PRH1: variants seen among roughly 807,000 people sequenced by gnomAD.
The protein encoded by PRH1 is proline rich protein HaeIII subfamily 1, also known as salivary acidic proline-rich phosphoprotein 1/2.
In PRH1, 7 loss-of-function variants were observed where a neutral mutation model predicts 7.9. The observed-to-expected ratio is 0.89, with a 90% CI of 0.50 to 1.67. PRH1 has a LOEUF of 1.67. PRH1 is among the 40% of genes most tolerant of loss of function. The pLI is 0.00. For missense variants in PRH1, 109 were observed against 223.6 expected, an observed-to-expected ratio of 0.49 and a Z score of 3.27; for synonymous variants, 45 against 80.8, an observed-to-expected ratio of 0.56 and a Z score of 2.38.
intron 2 of PRH1, among the ~76,000 whole-genome samples, chr12:10,890,373 T>C (rs577769495): frequency 6.6e-6 from 1 of 152,172 alleles, no homozygotes; most frequent in East Asian, 1.9e-4. Flanking sequence ...CCACAAAGTC[T>C]TCCTAACTTT....
At chr12:11,142,342 C>A (rs1170265681) in intron 1 of PRH1, among the ~76,000 whole-genome samples, 4 of 152,060 alleles carry the variant, frequency 2.6e-5, no homozygotes, top group African/African-American at 9.7e-5. Flanking sequence ...AATTGGAAAA[C>A]CACTCCTAAA....
intron 2 of PRH1, among the ~76,000 whole-genome samples, chr12:10,958,300 T>C (rs963346222): frequency 1.3e-5 from 2 of 151,892 alleles, no homozygotes; most frequent in Non-Finnish European, 2.9e-5. Context: ...CCAATAAACA[T>C]GGAAACAGAA....
chr12:11,054,128 A>G (rs1225359330), intron 1 of PRH1, among the ~76,000 whole-genome samples: 1 of 152,170 alleles, frequency 6.6e-6, no homozygotes, highest in Non-Finnish European at 1.5e-5. Flanking sequence ...CTCGATTCTT[A>G]TATTATTCTC....
chr12:11,160,446 T>G (rs1428251938), intron 1 of PRH1, among the ~76,000 whole-genome samples: 1 of 149,044 alleles, frequency 6.7e-6, no homozygotes, highest in African/African-American at 2.5e-5. Context: ...ACATTCAGTT[T>G]GAACTGGAAT....
At chr12:11,136,316 G>T (rs1244665220) in intron 1 of PRH1, among the ~76,000 whole-genome samples, 6 of 138,552 alleles carry the variant, frequency 4.3e-5, no homozygotes, top group African/African-American at 5.2e-5. Context: ...AGTACATGTG[G>T]TTTTTTTTCA....
chr12:11,013,201 G>A (rs969515145), intron 1 of PRH1, among the ~76,000 whole-genome samples: 3 of 152,108 alleles, frequency 2.0e-5, no homozygotes, highest in African/African-American at 7.2e-5. Context: ...TGGTTTCAAA[G>A]CTAACTACAA....
chr12:11,161,392 G>C (rs1222434361), intron 1 of PRH1, among the ~76,000 whole-genome samples: 4 of 152,228 alleles, frequency 2.6e-5, no homozygotes, highest in Admixed American at 2.6e-4. Context: ...GATTTGGATA[G>C]TGAAGGAACA....
intron 1 of PRH1, among the ~76,000 whole-genome samples, chr12:11,070,098 C>T (rs1349229697): frequency 1.3e-5 from 2 of 152,146 alleles, no homozygotes; most frequent in Admixed American, 1.3e-4. Flanking sequence ...TGGCCATCAG[C>T]TGATGCCCTG....
At chr12:10,909,931 C>T (rs1949870975) in intron 2 of PRH1, among the ~76,000 whole-genome samples, 1 of 152,208 alleles carries the variant, frequency 6.6e-6, no homozygotes, top group East Asian at 1.9e-4. Flanking sequence ...CTCATCACTA[C>T]TTAGCAGTGC....
intron 2 of PRH1, among the ~76,000 whole-genome samples, chr12:10,926,624 C>T (rs147551610): frequency 1.3e-3 from 198 of 152,136 alleles, no homozygotes; most frequent in African/African-American, 4.5e-3. Context: ...AGGACCAGGT[C>T]GAGGCTGTTA....
intron 1 of PRH1, among the ~76,000 whole-genome samples, chr12:11,002,249 A>C (rs1940627563): frequency 6.6e-6 from 1 of 152,148 alleles, no homozygotes; most frequent in Non-Finnish European, 1.5e-5. Flanking sequence ...TGATAATGTC[A>C]GTTAAAAGGG....
intron 1 of PRH1, among the ~76,000 whole-genome samples, chr12:11,143,259 T>C (rs1443754297): frequency 1.3e-5 from 2 of 152,220 alleles, no homozygotes; most frequent in Non-Finnish European, 2.9e-5. Context: ...GTTTGTTTGC[T>C]TATGCAAACA....
chr12:11,045,595 T>C (rs1477936327), intron 1 of PRH1, among the ~76,000 whole-genome samples: 1 of 152,102 alleles, frequency 6.6e-6, no homozygotes, highest in East Asian at 1.9e-4. Flanking sequence ...AAAAAAGAAA[T>C]TCCTAAACTT....
Position 11,142,670 on chromosome 12 carries a change from C to G in PRH1, n.40-21490G>C, listed in dbSNP as rs189789470. 2.2e-3 allele frequency among the ~76,000 whole-genome samples: 331 copies of G among 152,138 alleles called. 2 individuals are homozygous for G. Among genetic ancestry groups the G allele is most frequent in the South Asian group, 0.012 (60 of 4,814 alleles). ...TCAAGGAATTTAATAATCAATTTCCCTAAGGTCAAGGATAAAGAAAGGATT... is the reference window on the plus strand; with the variant it reads ...TCAAGGAATTTAATAATCAATTTCCGTAAGGTCAAGGATAAAGAAAGGATT... On this transcript the variant is annotated intron_variant and non_coding_transcript_variant, in intron 1 of 1. Coordinates refer to the PRH1 transcript ENST00000541175.
At chr12:11,134,255 A>G (rs1326191826) in intron 1 of PRH1, 2 of 1,596,846 alleles carry the variant, frequency 1.3e-6, no homozygotes, top group African/African-American at 1.4e-5. Context: ...GTCTGAACAG[A>G]CAAAAAGAAA....
intron 1 of PRH1, among the ~76,000 whole-genome samples, chr12:11,145,443 T>G (rs1199763143): frequency 6.6e-6 from 1 of 152,180 alleles, no homozygotes. Context: ...TCTATCCTCC[T>G]TGGCCTCCCA....
chr12:11,133,838 G>T (rs1158825177), intron 1 of PRH1: 1 of 1,614,054 alleles, frequency 6.2e-7, no homozygotes, highest in South Asian at 1.1e-5. Context: ...AAATAGCAAA[G>T]GCCCCAACAG....
intron 1 of PRH1, among the ~76,000 whole-genome samples, chr12:10,976,964 A>G (rs1192364505): frequency 6.6e-6 from 1 of 152,192 alleles, no homozygotes; most frequent in Non-Finnish European, 1.5e-5. Flanking sequence ...AGACAGATTC[A>G]CAGCTGAATT....
intron 2 of PRH1, among the ~76,000 whole-genome samples, chr12:10,891,112 T>A (rs1252074222): frequency 2.6e-5 from 4 of 152,086 alleles, no homozygotes; most frequent in Non-Finnish European, 1.5e-5. Flanking sequence ...CCAGCCCGAA[T>A]CCCTAAAGCA....
Sources: allele counts gnomAD v4.1 joint callset (sites outside exome capture counted in the v4.1 genomes callset), GRCh38; gene constraint gnomAD v4.1.1; transcripts MANE v1.5; gene names NCBI Gene and HGNC (gene_info 2026-07-23, HGNC 2026-07-21).